The following PCDH9 variants were observed in gnomAD, a reference collection of about 807,000 sequenced individuals.
PCDH9 encodes protocadherin-9.
A neutral mutation model predicts 70.6 loss-of-function variants in PCDH9; 24 were observed. That is an observed-to-expected ratio of 0.34 (90% confidence interval 0.25 to 0.48). The LOEUF (loss-of-function observed/expected upper bound fraction) is 0.48. Among genes scored for constraint, PCDH9 ranks in the 20% least tolerant of loss-of-function variants. The pLI is 0.99. For missense variants in PCDH9, 1,281 were observed against 1,503.6 expected (o/e 0.85, Z 2.45); for synonymous variants, 562 against 558.5 (o/e 1.01, Z -0.09).
chr13:67,197,960 A>G (rs2089114904), intron 2 of PCDH9, among the ~76,000 whole-genome samples: 2 of 151,734 alleles, frequency 1.3e-5, no homozygotes. Flanking sequence ...CATGGTTATC[A>G]ACAAAACAGC....
intron 2 of PCDH9, among the ~76,000 whole-genome samples, chr13:66,923,456 CAATT>C (rs1485515875): frequency 2.0e-5 from 3 of 151,520 alleles, no homozygotes; most frequent in Admixed American, 6.6e-5. Context: ...TTAAGCAAGA[CAATT>C]AAAATATCTA....
chr13:67,145,666 G>C (rs1437325807), intron 2 of PCDH9, among the ~76,000 whole-genome samples: 1 of 151,876 alleles, frequency 6.6e-6, no homozygotes, highest in Non-Finnish European at 1.5e-5. Flanking sequence ...CCAGAAATAA[G>C]TAACAGAAAT....
chr13:66,766,523 T>C (rs901962565), intron 3 of PCDH9, among the ~76,000 whole-genome samples: 2 of 151,968 alleles, frequency 1.3e-5, no homozygotes, highest in Non-Finnish European at 2.9e-5. Context: ...ACTTATAGTG[T>C]AGATAGCACA....
At chr13:66,363,069 C>T (rs927645015) in intron 4 of PCDH9, among the ~76,000 whole-genome samples, 1 of 152,092 alleles carries the variant, frequency 6.6e-6, no homozygotes, top group South Asian at 2.1e-4. Context: ...ATCTCAGCTA[C>T]TCAGGAGGCT....
chr13:67,174,197 A>G (rs1407349048), intron 2 of PCDH9, among the ~76,000 whole-genome samples: 2 of 152,066 alleles, frequency 1.3e-5, no homozygotes, highest in African/African-American at 4.8e-5. Flanking sequence ...TGTCCTTAGT[A>G]TTTTGGTTTA....
intron 4 of PCDH9, among the ~76,000 whole-genome samples, chr13:66,337,797 T>C (rs1208696040): frequency 6.6e-6 from 1 of 152,076 alleles, no homozygotes; most frequent in Admixed American, 6.6e-5. Context: ...CGTGTTTATT[T>C]AAGAAACATT....
chr13:66,572,911 C>A (rs1030175269), intron 4 of PCDH9, among the ~76,000 whole-genome samples: 4 of 152,096 alleles, frequency 2.6e-5, no homozygotes, highest in Non-Finnish European at 5.9e-5. Flanking sequence ...AGACATGTGC[C>A]ACTGCGCCTG....
intron 4 of PCDH9, among the ~76,000 whole-genome samples, chr13:66,587,024 G>A (rs894422669): frequency 7.9e-5 from 12 of 151,978 alleles, no homozygotes; most frequent in African/African-American, 1.7e-4. Flanking sequence ...TACGGCACCC[G>A]TCAGCTGGGC....
chr13:66,458,391 T>C (rs993061270), intron 4 of PCDH9, among the ~76,000 whole-genome samples: 2 of 152,128 alleles, frequency 1.3e-5, no homozygotes, highest in African/African-American at 4.8e-5. Flanking sequence ...GAATTATCTC[T>C]GGTGCAAATA....
At chr13:66,418,507 A>G (rs1190297042) in intron 4 of PCDH9, among the ~76,000 whole-genome samples, 1 of 152,166 alleles carries the variant, frequency 6.6e-6, no homozygotes, top group Non-Finnish European at 1.5e-5. Flanking sequence ...CCCATATGAA[A>G]TTAAGGCAGA....
chr13:66,817,778 G>A (rs1026446782), intron 3 of PCDH9, among the ~76,000 whole-genome samples: 3 of 151,968 alleles, frequency 2.0e-5, no homozygotes, highest in Non-Finnish European at 4.4e-5. Context: ...TGGCAACACA[G>A]GTGCATGCCA....
intron 3 of PCDH9, among the ~76,000 whole-genome samples, chr13:66,809,536 T>C (rs2080467414): frequency 6.6e-6 from 1 of 152,162 alleles, no homozygotes; most frequent in Non-Finnish European, 1.5e-5. Flanking sequence ...TAGCAGGGCT[T>C]TCTCTCCCTA....
chr13:67,184,685 C>A (rs919800033), intron 2 of PCDH9, among the ~76,000 whole-genome samples: 1 of 152,030 alleles, frequency 6.6e-6, no homozygotes, highest in East Asian at 1.9e-4. Flanking sequence ...GAGCTGAGAT[C>A]GCACCACTGC....
chr13:67,033,861 T>C (rs986286856), intron 2 of PCDH9, among the ~76,000 whole-genome samples: 1 of 152,192 alleles, frequency 6.6e-6, no homozygotes, highest in Non-Finnish European at 1.5e-5. Flanking sequence ...AAGTTAGCAA[T>C]GGTAAACAAA....
intron 4 of PCDH9, among the ~76,000 whole-genome samples, chr13:66,617,790 T>C (rs533216176): frequency 1.3e-5 from 2 of 152,282 alleles, no homozygotes; most frequent in South Asian, 2.1e-4. Context: ...AGTCATGCAA[T>C]TGGAGCCTCT....
intron 4 of PCDH9, among the ~76,000 whole-genome samples, chr13:66,479,270 C>T (rs1189060102): frequency 6.6e-6 from 1 of 152,206 alleles, no homozygotes; most frequent in Non-Finnish European, 1.5e-5. Context: ...TATTCAGGAG[C>T]TCTGACTGAA....
intron 4 of PCDH9, among the ~76,000 whole-genome samples, chr13:66,335,335 C>A (rs1423363036): frequency 6.6e-6 from 1 of 152,054 alleles, no homozygotes; most frequent in Admixed American, 6.6e-5. Flanking sequence ...TAAAATCGAG[C>A]TTGCTCTGAC....
intron 4 of PCDH9, among the ~76,000 whole-genome samples, chr13:66,572,362 C>T (rs918819628): frequency 6.6e-6 from 1 of 152,146 alleles, no homozygotes; most frequent in Non-Finnish European, 1.5e-5. Flanking sequence ...GCTGACTTCT[C>T]TTTATCCTCC....
At chr13:66,496,712 C>G (rs144349780) in intron 4 of PCDH9, among the ~76,000 whole-genome samples, 1 of 152,128 alleles carries the variant, frequency 6.6e-6, no homozygotes, top group East Asian at 1.9e-4. Flanking sequence ...CAATCACATA[C>G]TTGTACCAAC....
Sources: gnomAD v4.1 joint callset for allele counts (sites outside exome capture counted in the v4.1 genomes callset) on GRCh38, gnomAD v4.1.1 for gene constraint, MANE v1.5 for transcripts, NCBI Gene and HGNC (gene_info 2026-07-23, HGNC 2026-07-21) for gene names.